Variants in RBFOX1 observed in about 807,000 individuals in gnomAD.
RBFOX1 encodes RNA binding fox-1 homolog 1.
RBFOX1 carries 8 observed loss-of-function variants against 57.7 expected under a neutral mutation model. The ratio of observed to expected loss-of-function variants is 0.14; its 90% CI spans 0.08 to 0.25. RBFOX1 has a LOEUF of 0.25. Among genes scored for constraint, RBFOX1 ranks in the 10% least tolerant of loss-of-function variants. The probability of loss-of-function intolerance (pLI) is 1.00; values close to 1 mark genes in which losing one functional copy is unlikely to be tolerated. For synonymous variants in RBFOX1, 326 were observed against 222.4 expected (o/e 1.47, Z -4.15); for missense variants, 611 against 548.5 (o/e 1.11, Z -1.14).
At chr16:5,989,956 G>A (rs575359286) in intron 4 of RBFOX1, among the ~76,000 whole-genome samples, 16 of 151,662 alleles carry the variant, frequency 1.1e-4, no homozygotes, top group Non-Finnish European at 1.8e-4. Context: ...GTGAGATTTT[G>A]TGTTTCCTTC....
At chr16:6,932,705 CTCTT>C (rs966664550) in intron 3 of RBFOX1, among the ~76,000 whole-genome samples, 26 of 152,150 alleles carry the variant, frequency 1.7e-4, no homozygotes, top group African/African-American at 5.8e-4. Context: ...TTTCACTAAT[CTCTT>C]TCTGTTAAAT....
At chr16:6,736,348 A>G (rs2154178544) in intron 3 of RBFOX1, among the ~76,000 whole-genome samples, 1 of 152,148 alleles carries the variant, frequency 6.6e-6, no homozygotes. Flanking sequence ...CCATTGTATC[A>G]TTCTTATGCC....
chr16:6,545,156 C>G (rs112741465), intron 2 of RBFOX1, among the ~76,000 whole-genome samples: 2,763 of 152,288 alleles, frequency 0.018, 83 homozygotes, highest in African/African-American at 0.062. Context: ...ATTTTTGCCA[C>G]TTTAATCCAA....
intron 4 of RBFOX1, among the ~76,000 whole-genome samples, chr16:7,299,216 T>C (rs992706676): frequency 5.9e-5 from 9 of 152,230 alleles, no homozygotes; most frequent in African/African-American, 2.2e-4. Flanking sequence ...ATATTATTGA[T>C]AGGCATTTTA....
At chr16:6,826,028 G>C (rs1236821660) in intron 3 of RBFOX1, among the ~76,000 whole-genome samples, 2 of 152,164 alleles carry the variant, frequency 1.3e-5, no homozygotes, top group African/African-American at 4.8e-5. Context: ...CCACATCGTG[G>C]TGATGTGCAG....
At chr16:7,489,775 C>A (rs1370002804) in intron 4 of RBFOX1, among the ~76,000 whole-genome samples, 2 of 151,966 alleles carry the variant, frequency 1.3e-5, no homozygotes, top group East Asian at 1.9e-4. Flanking sequence ...CCCAACTCAG[C>A]CTTCCAGAGC....
chr16:6,406,247 C>G lies in RBFOX1; in HGVS notation c.-64+89190C>G, dbSNP rs183168759. On this transcript the variant is annotated intron_variant, in intron 2 of 15. Transcript: ENST00000550418. ...AGATTCTCTTTACAGAGGCAATACC[C>G]ATTAATTCTAATGCAGCCTCCTGTC... 2.4e-4 allele frequency among the ~76,000 whole-genome samples: 37 copies of G among 152,198 alleles called. 1 individual carries two copies. Among genetic ancestry groups the G allele is most frequent in the Non-Finnish European group, 1.9e-4 (13 of 68,036 alleles).
intron 5 of RBFOX1, among the ~76,000 whole-genome samples, chr16:7,563,452 T>A (rs1555607407): frequency 6.6e-6 from 1 of 152,126 alleles, no homozygotes; most frequent in Non-Finnish European, 1.5e-5. Context: ...ATTGCTATTG[T>A]TATATATATA....
chr16:6,026,951 G>T (rs1028335236), intron 1 of RBFOX1, among the ~76,000 whole-genome samples: 6 of 152,222 alleles, frequency 3.9e-5, no homozygotes, highest in Non-Finnish European at 7.3e-5. Context: ...TCTAATCACC[G>T]TCATCTGAAT....
intron 2 of RBFOX1, among the ~76,000 whole-genome samples, chr16:6,602,045 G>T (rs1432809524): frequency 6.6e-6 from 1 of 152,084 alleles, no homozygotes; most frequent in Non-Finnish European, 1.5e-5. Context: ...GAGAACAAAG[G>T]CGTCCTATTT....
intron 4 of RBFOX1, among the ~76,000 whole-genome samples, chr16:7,401,820 C>T (rs2098249049): frequency 6.6e-6 from 1 of 152,138 alleles, no homozygotes; most frequent in Non-Finnish European, 1.5e-5. Flanking sequence ...TATAACCTAG[C>T]ACAGGAGGCC....
chr16:7,493,924 C>G (rs1378656293), intron 4 of RBFOX1, among the ~76,000 whole-genome samples: 1 of 152,172 alleles, frequency 6.6e-6, no homozygotes, highest in East Asian at 1.9e-4. Context: ...AGTTTGGGTT[C>G]TTATAATTTT....
intron 4 of RBFOX1, among the ~76,000 whole-genome samples, chr16:7,387,388 C>A (rs2097902388): frequency 6.6e-6 from 1 of 152,134 alleles, no homozygotes; most frequent in South Asian, 2.1e-4. Flanking sequence ...TTCTCTAAGT[C>A]CAGAATTGAG....
intron 3 of RBFOX1, among the ~76,000 whole-genome samples, chr16:6,974,733 C>G (rs1174897949): frequency 1.3e-5 from 2 of 152,038 alleles, no homozygotes; most frequent in Admixed American, 6.6e-5. Flanking sequence ...TTTTTCTTAT[C>G]TCTTAACTGA....
intron 4 of RBFOX1, among the ~76,000 whole-genome samples, chr16:5,869,137 C>A (rs1235327500): frequency 1.3e-5 from 2 of 152,070 alleles, no homozygotes; most frequent in African/African-American, 4.8e-5. Flanking sequence ...TGCCATGTAA[C>A]CCACCCAGAT....
At chr16:7,697,556 CTATATATGCATG>C (rs1359704430) in intron 14 of RBFOX1, among the ~76,000 whole-genome samples, 1 of 152,078 alleles carries the variant, frequency 6.6e-6, no homozygotes, top group African/African-American at 2.4e-5. Context: ...GTATGATAAA[CTATATATGCATG>C]TATATATGTA....
intron 4 of RBFOX1, among the ~76,000 whole-genome samples, chr16:5,906,795 C>T (rs1251209541): frequency 2.3e-5 from 3 of 128,010 alleles, no homozygotes; most frequent in Admixed American, 9.9e-5. Flanking sequence ...AGTGCAGTGA[C>T]GCTTTCTTGG....
In RBFOX1 at chr16:5,809,412, G is replaced by A. The variant is rs528266416; in HGVS notation, c.319-57891G>A. Reference sequence around the variant, plus strand: ...GCCTACACAATGGGAGAAAATTTTCGCAACCTACTCATCTGACAAAGGGCT... The same window carrying A: ...GCCTACACAATGGGAGAAAATTTTCACAACCTACTCATCTGACAAAGGGCT... On this transcript the variant is annotated intron_variant, in intron 3 of 19. Transcript: ENST00000641259. Among the ~76,000 whole-genome samples the A allele has an allele frequency of 1.5e-4, 22 of 143,698 alleles. 1 individual carries two copies. Among genetic ancestry groups the A allele is most frequent in the South Asian group, 1.2e-3 (5 of 4,070 alleles). 94.3% of individuals were successfully genotyped at this position (143,698 alleles called of 152,430 possible).
At chr16:6,423,765 C>T (rs969360806) in intron 2 of RBFOX1, among the ~76,000 whole-genome samples, 2 of 152,078 alleles carry the variant, frequency 1.3e-5, no homozygotes, top group Non-Finnish European at 2.9e-5. Flanking sequence ...GATGAGAGTT[C>T]AGCTACGACG....
Sources: gnomAD v4.1 joint callset for allele counts (sites outside exome capture counted in the v4.1 genomes callset) on GRCh38, gnomAD v4.1.1 for gene constraint, MANE v1.5 for transcripts, NCBI Gene and HGNC (gene_info 2026-07-23, HGNC 2026-07-21) for gene names.